MTOR: variants seen among roughly 807,000 people sequenced by gnomAD.
MTOR encodes mechanistic target of rapamycin kinase.
MTOR carries 70 observed loss-of-function variants against 319.8 expected under a neutral mutation model. The observed-to-expected ratio is 0.22, with a 90% CI of 0.18 to 0.27. The LOEUF is 0.27. Ranked by LOEUF, MTOR falls within the 10% of genes least tolerant of loss-of-function variation. The pLI is 1.00. For synonymous variants in MTOR, 1,183 were observed against 1,211.4 expected (o/e 0.98, Z 0.49); for missense variants, 1,890 against 3,274.4 (o/e 0.58, Z 10.32).
rs1290791590 is a variant in MTOR, at chr1:11,234,277, A to G, written c.2209-12T>C. The G allele has an allele frequency of 1.9e-6, 3 of 1,607,308 alleles. No homozygotes were observed. The East Asian group carries it at 6.7e-5, about 36-fold the overall frequency. ...AACTCTGTCAAAATCTGTAGGGAAG[A>G]AAGGCTCATATGTTCTCTATGGCAG... On this transcript the variant is annotated splice_polypyrimidine_tract_variant and intron_variant, in intron 13 of 57. Transcript: ENST00000361445.
At position 11,134,455 on chromosome 1, in the gene MTOR, G is replaced by C. The variant is rs1330591886; in HGVS notation, c.5142C>G (p.Phe1714Leu). The change falls in exon 37 of 58, where the codon TTC becomes TTG. Residue 1714 changes from phenylalanine (F) to leucine (L), a missense_variant. Around this residue, in one of 15 missense-constraint regions of MTOR, gnomAD observed 276 missense variants for 459.4 expected, o/e 0.60. Transcript: ENST00000361445. ...MWKSARKIDA[F>L]QHMQHFVQTM... ...TCTGGACAAAATGCTGCATGTGCTGGAAGGCATCGATCTGTAACAGGACAA... is the reference window on the plus strand; with the variant it reads ...TCTGGACAAAATGCTGCATGTGCTGCAAGGCATCGATCTGTAACAGGACAA... The C allele has an allele frequency of 2.5e-6, 4 of 1,614,186 alleles. No homozygotes were observed. Among genetic ancestry groups the C allele is most frequent in the Non-Finnish European group, 3.4e-6 (4 of 1,180,022 alleles).
rs780609095 is a variant in MTOR at position 11,127,242 on chromosome 1, G to C, written c.6217-98C>G. The C allele has an allele frequency of 3.3e-6, 5 of 1,521,650 alleles. No homozygotes were observed. The South Asian group carries it at 4.9e-5, about 15-fold the overall frequency. The allele number at this position is 1,521,650 out of a possible 1,614,324, so 94.3% of individuals were successfully genotyped here. A position where few individuals can be genotyped will look rare whatever the true frequency, so the allele number is the denominator to read the frequency against. On this transcript the variant is annotated intron_variant, in intron 44 of 57. Transcript: ENST00000361445. This position sits in a 1 kb window ranked among gnomAD's most constrained non-coding sequence, Gnocchi z 5.5. The stretch of plus-strand genomic sequence containing the variant: ...GACTGCAGATATTCCTCAGGAGCCC[G>C]CTGTGGCCTGAAAACACTGGCAGGG...
rs1271619737 is a variant in MTOR, at chr1:11,199,222, C to T, written c.4253+36G>A. 1.2e-6 allele frequency: 2 copies of T among 1,613,958 alleles called. No homozygotes were observed. Among genetic ancestry groups the T allele is most frequent in the South Asian group, 1.1e-5 (1 of 91,076 alleles). On this transcript the variant is annotated intron_variant, in intron 28 of 57. Coordinates refer to ENST00000361445, the MANE Select transcript of MTOR (RefSeq NM_004958.4). The surrounding 1 kb of genome is among the most constrained non-coding windows in gnomAD (Gnocchi z 4.5). Reference sequence around the variant, plus strand: ...CAGTGGGAGAAGAGAGGTCATTTTGCATGAAGGCAGCAATTAAAAAGGGTT... The same window carrying T: ...CAGTGGGAGAAGAGAGGTCATTTTGTATGAAGGCAGCAATTAAAAAGGGTT...
At chr1:11,179,137 A>T (rs1405464637) in intron 28 of MTOR, among the ~76,000 whole-genome samples, 1 of 152,248 alleles carries the variant, frequency 6.6e-6, no homozygotes, top group Non-Finnish European at 1.5e-5. Context: ...AAATGTTTGG[A>T]GAGACCAGTG....
In MTOR at chr1:11,252,679, G is replaced by A. The variant is rs147700637; in HGVS notation, c.840+1160C>T. 5.5e-3 allele frequency among the ~76,000 whole-genome samples: 840 copies of A among 152,268 alleles called. 4 individuals are homozygous for A. Among genetic ancestry groups the A allele is most frequent in the African/African-American group, 0.019 (802 of 41,548 alleles). On this transcript the variant is annotated intron_variant, in intron 6 of 57. Transcript: ENST00000361445. ...CTGCATGCGCTGCTCCCACATCTGG[G>A]CATGGCTATTATCTAACAAGCACTG...
chr1:11,238,138 T>C (rs1426257041), intron 12 of MTOR, 90 bp from the exon 13 acceptor site: 2 of 1,279,164 alleles, frequency 1.6e-6, no homozygotes, highest in Non-Finnish European at 1.1e-6. Flanking sequence ...ATCAGCGTAG[T>C]GGGAAGATTC....
At position 11,130,761 on chromosome 1, in the gene MTOR, G is replaced by A; in HGVS notation, c.5381C>T (p.Ala1794Val). The A allele has an allele frequency of 6.4e-7, 1 of 1,569,802 alleles. No homozygotes were observed. Among genetic ancestry groups the A allele is most frequent in the Non-Finnish European group, 8.6e-7 (1 of 1,156,582 alleles). Residue 1794 changes from alanine (A) to valine (V), a missense_variant, in exon 39 of 58, where the codon GCA becomes GTA. Physicochemically the swap from Ala to Val is moderately conservative, Grantham distance 64 (BLOSUM62 0). Coordinates refer to ENST00000361445, the MANE Select transcript of MTOR (RefSeq NM_004958.4). ...TAGCACAGCTTCGAAGTTCATCACT[G>A]CCCACGCATGCCAGGCCTGGTTGGG... is the stretch of plus-strand genomic sequence containing the variant. ...RSWYKAWHAW[A>V]VMNFEAVLHY...
Position 11,167,436 on chromosome 1 carries a change from G to A in MTOR, c.4329+6C>T. The A allele has an allele frequency of 1.9e-6, 3 of 1,612,284 alleles. No homozygotes were observed. The East Asian group carries it at 6.7e-5, about 36-fold the overall frequency. On this transcript the variant is annotated splice_donor_region_variant and intron_variant, in intron 29 of 57. Transcript: ENST00000361445. ...CCTGCTTTTCCAAAAAGAATGAGGT[G>A]CTTACCAGCTCTCCAAAGTGTTTCA...
At chr1:11,144,886 T>C in intron 33 of MTOR, 82 bp downstream of exon 33, 2 of 1,542,530 alleles carry the variant, frequency 1.3e-6, no homozygotes, top group Non-Finnish European at 8.9e-7. Context: ...TCCAGCAGCC[T>C]GTAAGTTCTC....
intron 8 of MTOR, among the ~76,000 whole-genome samples, chr1:11,244,295 T>A (rs1380272435): frequency 3.9e-5 from 1 of 25,966 alleles, no homozygotes; most frequent in African/African-American, 6.4e-5. Context: ...TACATCTCAT[T>A]TAAAAAAAAA....
intron 54 of MTOR, chr1:11,111,105 T>C (rs1557736466): frequency 4.4e-6 from 2 of 455,790 alleles, no homozygotes; most frequent in East Asian, 6.9e-5. Context: ...ATGTATGACA[T>C]TATAAGCCAG....
chr1:11,121,909 T>G lies in MTOR; in HGVS notation c.6810+70A>C. On this transcript the variant is annotated intron_variant, in intron 48 of 57. Coordinates refer to ENST00000361445, the MANE Select transcript of MTOR (RefSeq NM_004958.4). This position sits in a 1 kb window ranked among gnomAD's most constrained non-coding sequence, Gnocchi z 4.9. ...TCAGTGACAGACATACAGAGAGGAA[T>G]GAGAAAAGCAGCGCTACGGAGATTC... is the stretch of plus-strand genomic sequence containing the variant. 3.9e-5 allele frequency: 61 copies of G among 1,570,724 alleles called. No individual in the cohort carries two copies. Among genetic ancestry groups the G allele is most frequent in the Non-Finnish European group, 4.9e-5 (56 of 1,152,444 alleles).
At chr1:11,230,803 T>G (rs1054230112) in intron 18 of MTOR, 122 bp downstream of exon 18, 4 of 1,335,170 alleles carry the variant, frequency 3.0e-6, no homozygotes, top group Admixed American at 4.1e-5. Context: ...CATTCAAAAG[T>G]TGCTACACGA....
At chr1:11,135,298 GA>G (rs548505677) in intron 36 of MTOR, among the ~76,000 whole-genome samples, 4 of 148,510 alleles carry the variant, frequency 2.7e-5, no homozygotes, top group East Asian at 2.0e-4. Flanking sequence ...CCCACAAATA[GA>G]AAAAAAAATA....
chr1:11,142,768 TCTGAGC>T (rs1415026770), intron 34 of MTOR, among the ~76,000 whole-genome samples: 1 of 152,184 alleles, frequency 6.6e-6, no homozygotes, highest in Admixed American at 6.5e-5. Flanking sequence ...TAAGATGCAG[TCTGAGC>T]CTGACTGGAG....
intron 6 of MTOR, among the ~76,000 whole-genome samples, chr1:11,252,923 C>A (rs1228461868): frequency 6.6e-6 from 1 of 152,194 alleles, no homozygotes; most frequent in African/African-American, 2.4e-5. Flanking sequence ...CTACAAGGCG[C>A]ATAACCAAGG....
chr1:11,108,105 G>A, intron 57 of MTOR, 76 bp downstream of exon 57: 1 of 1,169,244 alleles, frequency 8.6e-7, no homozygotes, highest in Non-Finnish European at 1.3e-6. Flanking sequence ...ATCTCTTTTT[G>A]CTACTCTGGC....
At chr1:11,175,746 G>GTTTTTTTTTTTTTTTT (rs34392850) in intron 28 of MTOR, among the ~76,000 whole-genome samples, 3 of 137,312 alleles carry the variant, frequency 2.2e-5, no homozygotes, top group African/African-American at 8.2e-5. Context: ...TCCCTAGCAG[G>GTTTTTTTTTTTTTTTT]TTTTTTTTTT....
intron 47 of MTOR, among the ~76,000 whole-genome samples, chr1:11,123,164 C>T (rs908939643): frequency 2.6e-5 from 4 of 152,184 alleles, no homozygotes; most frequent in African/African-American, 9.7e-5. Flanking sequence ...TTGTTAAAGG[C>T]ATTTCCCAAT....
Sources: gnomAD v4.1 joint callset for allele counts (sites outside exome capture counted in the v4.1 genomes callset) on GRCh38, gnomAD v4.1.1 for gene constraint, gnomAD v4.1.1 regional missense constraint, Gnocchi (gnomAD v3.1) non-coding constraint, MANE v1.5 for transcripts, NCBI Gene and HGNC (gene_info 2026-07-23, HGNC 2026-07-21) for gene names.